Variants in ABCA5 observed in about 807,000 individuals in gnomAD.
ABCA5 encodes the protein cholesterol transporter ABCA5.
In ABCA5, 163 loss-of-function variants were observed where a neutral mutation model predicts 206.0. The ratio of observed to expected loss-of-function variants is 0.79; its 90% CI spans 0.70 to 0.90. ABCA5 has a LOEUF of 0.90. Ranked by LOEUF, ABCA5 falls within the 40% of genes least tolerant of loss-of-function variation. The pLI is 0.00. For synonymous variants in ABCA5, 609 were observed against 613.8 expected (o/e 0.99, Z 0.11); for missense variants, 1,859 against 1,912.9 (o/e 0.97, Z 0.53).
chr17:69,255,294 A>G (rs1443980597), intron 31 of ABCA5, among the ~76,000 whole-genome samples: 1 of 152,088 alleles, frequency 6.6e-6, no homozygotes, highest in Non-Finnish European at 1.5e-5. Context: ...TAGACAAATA[A>G]CTCACGCATG....
In ABCA5 at chr17:69,261,724, G is replaced by T; in HGVS notation, c.3340C>A (p.Pro1114Thr). The change falls in exon 25 of 39, where the codon CCA (proline) becomes ACA (threonine). Residue 1114 changes from proline (P) to threonine (T), a missense_variant. Transcript: ENST00000392676. ...AVVFCLIGYV[P>T]SVILFTYIAS... ...ATATAAGTGAACAGAATAACTGATG[G>T]AACATAACCAATAAGGCAAAAAACC... The T allele has an allele frequency of 6.8e-7, 1 of 1,478,868 alleles. No individual in the cohort carries two copies. Among genetic ancestry groups the T allele is most frequent in the South Asian group, 1.4e-5 (1 of 73,506 alleles). The allele number at this position is 1,478,868 out of a possible 1,614,324, so 91.6% of individuals were successfully genotyped here.
intron 14 of ABCA5, among the ~76,000 whole-genome samples, chr17:69,288,826 A>G (rs2075492650): frequency 6.6e-6 from 1 of 152,136 alleles, no homozygotes; most frequent in Non-Finnish European, 1.5e-5. Flanking sequence ...TAAAGATGTT[A>G]TAACTCAGAA....
At chr17:69,296,749 G>A (rs925615038) in intron 10 of ABCA5, among the ~76,000 whole-genome samples, 14 of 152,218 alleles carry the variant, frequency 9.2e-5, no homozygotes, top group African/African-American at 3.1e-4. Flanking sequence ...TGGATCACCT[G>A]AGGCTACGAA....
intron 28 of ABCA5, among the ~76,000 whole-genome samples, chr17:69,257,068 G>T (rs1164693280): frequency 1.3e-5 from 2 of 151,826 alleles, no homozygotes; most frequent in Non-Finnish European, 2.9e-5. Context: ...GAAAACAAAG[G>T]AACAAGAAAA....
At chr17:69,291,889 G>A (rs895168686) in intron 11 of ABCA5, among the ~76,000 whole-genome samples, 1 of 151,974 alleles carries the variant, frequency 6.6e-6, no homozygotes, top group African/African-American at 2.4e-5. Context: ...GAGGTGGGAG[G>A]ATCACTTGGG....
At chr17:69,273,929 A>T (rs2075302501) in intron 20 of ABCA5, 30 bp downstream of exon 20, 2 of 1,572,660 alleles carry the variant, frequency 1.3e-6, no homozygotes, top group African/African-American at 2.8e-5. Context: ...CCATGCCAAC[A>T]CTCGTTCACA....
In ABCA5 at chr17:69,261,722, T is replaced by G. The variant is rs543355773; in HGVS notation, c.3342A>C (p.Pro1114=). 6.0e-6 allele frequency: 9 copies of G among 1,493,466 alleles called. No individual in the cohort carries two copies. Among genetic ancestry groups the G allele is most frequent in the Non-Finnish European group, 8.1e-6 (9 of 1,117,778 alleles). The allele number at this position is 1,493,466 out of a possible 1,614,324, so 92.5% of individuals were successfully genotyped here. ...CAATATAAGTGAACAGAATAACTGA[T>G]GGAACATAACCAATAAGGCAAAAAA... ...AVVFCLIGYV[P]SVILFTYIAS... Residue 1114 remains proline, a synonymous_variant, in exon 25 of 39, where the codon CCA becomes CCC. Transcript: ENST00000392676.
chr17:69,267,926 T>C lies in ABCA5; in HGVS notation c.3144+17A>G, dbSNP rs1358370882. 6.9e-7 allele frequency: 1 copy of C among 1,459,104 alleles called. No individual in the cohort carries two copies. Among genetic ancestry groups the C allele is most frequent in the African/African-American group, 1.4e-5 (1 of 71,630 alleles). 90.4% of individuals were successfully genotyped at this position (1,459,104 alleles called of 1,614,324 possible). On this transcript the variant is annotated intron_variant, in intron 23 of 38. Transcript: ENST00000392676. ...ACTTCTTATTAGCAAATTATATATTTTTAACTGAGTCATTACCTTATGATT... is the reference window on the plus strand; with the variant it reads ...ACTTCTTATTAGCAAATTATATATTCTTAACTGAGTCATTACCTTATGATT...
chr17:69,270,698 A>G lies in ABCA5; in HGVS notation c.2945T>C (p.Ile982Thr). ...GTAGTTACTAATGATATTCACTAAT[A>G]TAGGTAAAGAATAAACCATAGTACT... ...FNSTMVYSLP[I>T]LVNIISNYYL... The change falls in exon 22 of 39, where the codon ATA becomes ACA. Residue 982 changes from isoleucine (I) to threonine (T), a missense_variant. Coordinates refer to ENST00000392676, the MANE Select transcript of ABCA5 (RefSeq NM_172232.4). 1.9e-6 allele frequency: 3 copies of G among 1,601,128 alleles called. No homozygotes were observed. Among genetic ancestry groups the G allele is most frequent in the Non-Finnish European group, 2.6e-6 (3 of 1,174,892 alleles).
At chr17:69,323,293 A>G (rs67740186) in intron 1 of ABCA5, among the ~76,000 whole-genome samples, 24,860 of 152,150 alleles carry the variant, frequency 0.16, 2,205 homozygotes, top group African/African-American at 0.23. Flanking sequence ...CCCCAAAAAG[A>G]AACACTGCCT....
In ABCA5 at chr17:69,314,554, G is replaced by A. The variant is rs2075798639; in HGVS notation, c.-15-124C>T. 5 of 598,836 alleles carry A rather than the reference G, an allele frequency of 8.3e-6. No homozygotes were observed. The East Asian group carries it at 1.1e-4, about 14-fold the overall frequency. 37.1% of individuals were successfully genotyped at this position (598,836 alleles called of 1,614,324 possible). On this transcript the variant is annotated intron_variant, in intron 1 of 38. Coordinates refer to ENST00000392676, the MANE Select transcript of ABCA5 (RefSeq NM_172232.4). ...AGATGGATTAAGCATACTCCAAGCT[G>A]TCTCTCTTAGGAAACTGGACAGAAT...
At chr17:69,269,430 C>G (rs2075247582) in intron 22 of ABCA5, among the ~76,000 whole-genome samples, 1 of 152,146 alleles carries the variant, frequency 6.6e-6, no homozygotes, top group Non-Finnish European at 1.5e-5. Flanking sequence ...AGATACCTCT[C>G]CACAGACACT....
At chr17:69,312,984 G>T in intron 3 of ABCA5, 108 bp downstream of exon 3, 1 of 577,352 alleles carries the variant, frequency 1.7e-6, no homozygotes, top group Non-Finnish European at 2.7e-6. Context: ...CTTTGGTGGA[G>T]GAACACATCT....
chr17:69,320,230 T>C (rs2075851938), intron 1 of ABCA5, among the ~76,000 whole-genome samples: 1 of 151,970 alleles, frequency 6.6e-6, no homozygotes, highest in Non-Finnish European at 1.5e-5. Flanking sequence ...ATTACAGAAC[T>C]TAGAAATGAA....
intron 22 of ABCA5, among the ~76,000 whole-genome samples, chr17:69,268,343 T>A (rs2075234813): frequency 1.3e-5 from 2 of 152,134 alleles, no homozygotes; most frequent in African/African-American, 4.8e-5. Flanking sequence ...GCATATAAAT[T>A]ACGCTTCACA....
intron 19 of ABCA5, among the ~76,000 whole-genome samples, chr17:69,275,269 G>A (rs1208086894): frequency 6.6e-6 from 1 of 152,062 alleles, no homozygotes; most frequent in Non-Finnish European, 1.5e-5. Flanking sequence ...CATATTAATT[G>A]CCACTGCTGC....
chr17:69,261,797 C>G (rs750553040), intron 24 of ABCA5, 49 bp from the exon 25 acceptor site: 1 of 728,988 alleles, frequency 1.4e-6, no homozygotes, highest in Non-Finnish European at 2.1e-6. Context: ...GCTTGCAATA[C>G]ACATGACATG....
chr17:69,250,426 A>T, intron 36 of ABCA5, 46 bp downstream of exon 36: 1 of 1,541,244 alleles, frequency 6.5e-7, no homozygotes, highest in Non-Finnish European at 8.7e-7. Flanking sequence ...ACTTTTTATA[A>T]CCTTTGCTCT....
In ABCA5 at chr17:69,304,916, T is replaced by G. The variant is rs918589892; in HGVS notation, c.789-106A>C. 1.2e-4 allele frequency: 123 copies of G among 1,063,906 alleles called. No homozygotes were observed. The African/African-American group carries it at 1.9e-3, about 16-fold the overall frequency. The allele number at this position is 1,063,906 out of a possible 1,614,324, so 65.9% of individuals were successfully genotyped here. ...GATTTTAGCCATTTTATTCTTAAAA[T>G]TAAGTCACTGTTCATTTCTGTGTAT... On this transcript the variant is annotated intron_variant, in intron 6 of 38. Coordinates refer to ENST00000392676, the MANE Select transcript of ABCA5 (RefSeq NM_172232.4).
Sources: gnomAD v4.1 joint callset for allele counts (sites outside exome capture counted in the v4.1 genomes callset) on GRCh38, gnomAD v4.1.1 for gene constraint, MANE v1.5 for transcripts, NCBI Gene and HGNC (gene_info 2026-07-23, HGNC 2026-07-21) for gene names.